RBFOX1: variants seen among roughly 807,000 people sequenced by gnomAD.
RBFOX1 encodes RNA binding fox-1 homolog 1.
In RBFOX1, 8 loss-of-function variants were observed where a neutral mutation model predicts 57.7. The ratio of observed to expected loss-of-function variants is 0.14; its 90% CI spans 0.08 to 0.25. RBFOX1 has a LOEUF of 0.25. Ranked by LOEUF, RBFOX1 falls within the 10% of genes least tolerant of loss-of-function variation. RBFOX1 has a pLI of 1.00. For missense variants in RBFOX1, 611 were observed against 548.5 expected, an observed-to-expected ratio of 1.11 and a Z score of -1.14; for synonymous variants, 326 against 222.4, an observed-to-expected ratio of 1.47 and a Z score of -4.15.
chr16:5,770,534 C>T (rs1349122145), intron 3 of RBFOX1, among the ~76,000 whole-genome samples: 1 of 152,186 alleles, frequency 6.6e-6, no homozygotes, highest in Non-Finnish European at 1.5e-5. Flanking sequence ...AGCTAGCCAA[C>T]AGTCCACAAG....
At chr16:5,259,858 G>A (rs925973967) in intron 1 of RBFOX1, among the ~76,000 whole-genome samples, 1 of 152,068 alleles carries the variant, frequency 6.6e-6, no homozygotes, top group African/African-American at 2.4e-5. Context: ...CACCACGTGG[G>A]GGCCATTCTG....
At chr16:5,535,068 A>G (rs2151044182) in intron 2 of RBFOX1, among the ~76,000 whole-genome samples, 1 of 152,340 alleles carries the variant, frequency 6.6e-6, no homozygotes, top group East Asian at 1.9e-4. Flanking sequence ...TACTGGAGAG[A>G]GATAAAAAAT....
intron 4 of RBFOX1, among the ~76,000 whole-genome samples, chr16:5,921,837 G>A (rs2058828957): frequency 1.3e-5 from 2 of 151,922 alleles, no homozygotes; most frequent in Non-Finnish European, 2.9e-5. Flanking sequence ...AGAGCAAGAG[G>A]GGGAGGAGCC....
At chr16:5,511,967 A>C (rs1423556470) in intron 2 of RBFOX1, among the ~76,000 whole-genome samples, 2 of 152,240 alleles carry the variant, frequency 1.3e-5, no homozygotes, top group Admixed American at 1.3e-4. Context: ...CATATTGATG[A>C]TAAACCTTCC....
intron 4 of RBFOX1, among the ~76,000 whole-genome samples, chr16:7,343,625 G>C (rs192086032): frequency 3.3e-5 from 5 of 152,258 alleles, no homozygotes. Flanking sequence ...CTATATATGA[G>C]GCTGTGTGTG....
chr16:7,348,866 C>T (rs2097071544), intron 4 of RBFOX1, among the ~76,000 whole-genome samples: 2 of 152,054 alleles, frequency 1.3e-5, no homozygotes, highest in Admixed American at 1.3e-4. Flanking sequence ...CCCTTGAACC[C>T]AGGAGGCGGA....
In RBFOX1 at chr16:5,947,877, G is replaced by C. The variant is rs140658765; in HGVS notation, c.351+80542G>C. Among the ~76,000 whole-genome samples, 35 of 152,320 alleles carry C rather than the reference G, an allele frequency of 2.3e-4. 1 individual carries two copies. In the East Asian group the frequency reaches 5.0e-3, roughly 22 times the overall value. On this transcript the variant is annotated intron_variant, in intron 4 of 19. Transcript: ENST00000641259. The surrounding 1 kb of genome is among the most constrained non-coding windows in gnomAD (Gnocchi z 7.2). ...TTGTAATTACCGGGCCACCCGTAAC[G>C]GGAGTTTATGTAATTATTAGTTTGA...
chr16:5,394,972 G>A (rs2066510302), intron 1 of RBFOX1, among the ~76,000 whole-genome samples: 1 of 152,150 alleles, frequency 6.6e-6, no homozygotes, highest in Non-Finnish European at 1.5e-5. Flanking sequence ...ATCTGATGGT[G>A]TTGCCCTCTG....
At chr16:7,127,092 A>C (rs1042995461) in intron 4 of RBFOX1, among the ~76,000 whole-genome samples, 8 of 151,468 alleles carry the variant, frequency 5.3e-5, no homozygotes, top group African/African-American at 1.7e-4. Flanking sequence ...TTAAACAGCT[A>C]TGACTGAGGG....
intron 3 of RBFOX1, among the ~76,000 whole-genome samples, chr16:5,771,490 C>A (rs963377531): frequency 3.3e-5 from 5 of 152,202 alleles, no homozygotes; most frequent in African/African-American, 1.2e-4. Flanking sequence ...TTCATTGCAG[C>A]TTCTGCCTCC....
intron 1 of RBFOX1, among the ~76,000 whole-genome samples, chr16:5,297,505 A>AT (rs1473682938): frequency 7.2e-5 from 11 of 152,252 alleles, no homozygotes; most frequent in African/African-American, 2.6e-4. Context: ...GATTTTAAGA[A>AT]TTTTTTATAT....
chr16:7,013,024 A>T (rs956759265), intron 3 of RBFOX1, among the ~76,000 whole-genome samples: 3 of 152,100 alleles, frequency 2.0e-5, no homozygotes, highest in Non-Finnish European at 4.4e-5. Flanking sequence ...GAGAGAAAGC[A>T]AGCCCTCTCT....
intron 2 of RBFOX1, among the ~76,000 whole-genome samples, chr16:6,588,494 C>G (rs1051820073): frequency 1.3e-5 from 2 of 151,866 alleles, no homozygotes; most frequent in Middle Eastern, 3.4e-3. Context: ...ATACACCAAA[C>G]ATACAAAAAT....
intron 1 of RBFOX1, among the ~76,000 whole-genome samples, chr16:5,249,552 T>G (rs1256078452): frequency 6.6e-6 from 1 of 152,244 alleles, no homozygotes; most frequent in Non-Finnish European, 1.5e-5. Flanking sequence ...GCCTTCTGCC[T>G]TTCCTGCCTT....
intron 4 of RBFOX1, among the ~76,000 whole-genome samples, chr16:7,149,132 G>C (rs1422750961): frequency 6.6e-6 from 1 of 152,142 alleles, no homozygotes; most frequent in African/African-American, 2.4e-5. Context: ...ACATGGAAGA[G>C]AGAAACCAAG....
At chr16:5,347,134 C>A (rs1417224945) in intron 1 of RBFOX1, among the ~76,000 whole-genome samples, 1 of 152,158 alleles carries the variant, frequency 6.6e-6, no homozygotes, top group Non-Finnish European at 1.5e-5. Context: ...CTCCTGGCAC[C>A]TGATATCTCC....
intron 5 of RBFOX1, among the ~76,000 whole-genome samples, chr16:7,554,754 C>A: frequency 6.6e-6 from 1 of 151,280 alleles, no homozygotes; most frequent in East Asian, 1.9e-4. Context: ...TTTTTTTCTT[C>A]TTCTTCTACA....
chr16:6,014,155 A>G (rs1321680715), upstream of RBFOX1, among the ~76,000 whole-genome samples: 1 of 152,230 alleles, frequency 6.6e-6, no homozygotes, highest in Admixed American at 6.5e-5. Flanking sequence ...TGGTACTTAC[A>G]CTGTGAGGAC....
At chr16:5,465,402 C>T (rs1302143664) in intron 1 of RBFOX1, among the ~76,000 whole-genome samples, 1 of 152,168 alleles carries the variant, frequency 6.6e-6, no homozygotes, top group Admixed American at 6.5e-5. Flanking sequence ...GTCTGCAAGT[C>T]AATTACGTTC....
Sources: gnomAD v4.1 joint callset for allele counts (sites outside exome capture counted in the v4.1 genomes callset) on GRCh38, gnomAD v4.1.1 for gene constraint, Gnocchi (gnomAD v3.1) non-coding constraint, MANE v1.5 for transcripts, NCBI Gene and HGNC (gene_info 2026-07-23, HGNC 2026-07-21) for gene names.